FAM177A1: variants seen among roughly 807,000 people sequenced by gnomAD.
The protein encoded by FAM177A1 is family with sequence similarity 177 member A1, also known as protein FAM177A1.
In FAM177A1, 22 loss-of-function variants were observed where a neutral mutation model predicts 26.1. The observed-to-expected ratio is 0.84, with a 90% CI of 0.60 to 1.20. FAM177A1 has a LOEUF of 1.20. Among genes scored for constraint, FAM177A1 ranks in the 50% most tolerant of loss-of-function variants. The pLI is 0.00. For missense variants in FAM177A1, 296 were observed against 291.1 expected, an observed-to-expected ratio of 1.02 and a Z score of -0.12; for synonymous variants, 95 against 99.3, an observed-to-expected ratio of 0.96 and a Z score of 0.26.
At chr14:35,053,858 T>G (rs978680820) in intron 2 of FAM177A1, among the ~76,000 whole-genome samples, 22 of 152,128 alleles carry the variant, frequency 1.4e-4, no homozygotes, top group Non-Finnish European at 5.9e-5. Flanking sequence ...CTGGACGTAT[T>G]GGTGGACACC....
upstream of FAM177A1, chr14:35,045,325 G>A (rs144979945): frequency 6.6e-6 from 1 of 152,208 alleles, no homozygotes; most frequent in Non-Finnish European, 1.5e-5. Flanking sequence ...AAAGTTTTTG[G>A]TTTTGTTTTT....
At chr14:35,048,532 T>G (rs2044911686) in intron 1 of FAM177A1, among the ~76,000 whole-genome samples, 1 of 150,240 alleles carries the variant, frequency 6.7e-6, no homozygotes, top group African/African-American at 2.4e-5. Context: ...CTCTCTGGAA[T>G]TTTATCATTC....
intron 1 of FAM177A1, among the ~76,000 whole-genome samples, chr14:35,051,472 G>C (rs2044970245): frequency 1.3e-5 from 2 of 152,126 alleles, no homozygotes; most frequent in African/African-American, 4.8e-5. Context: ...GAGTGCAGTG[G>C]TGCGATCTCG....
intron 4 of FAM177A1, among the ~76,000 whole-genome samples, chr14:35,079,885 AG>A (rs2138574615): frequency 6.6e-6 from 1 of 152,294 alleles, no homozygotes; most frequent in African/African-American, 2.4e-5. Flanking sequence ...CTGGAGCATA[AG>A]GTACAATGTG....
intron 2 of FAM177A1, among the ~76,000 whole-genome samples, chr14:35,061,751 C>T (rs1193506682): frequency 1.3e-5 from 2 of 149,350 alleles, no homozygotes; most frequent in East Asian, 3.9e-4. Flanking sequence ...TACCCTAAAA[C>T]TTAAAGTATA....
chr14:35,072,856 C>A (rs1026794698), intron 2 of FAM177A1, among the ~76,000 whole-genome samples: 1 of 152,178 alleles, frequency 6.6e-6, no homozygotes, highest in Admixed American at 6.5e-5. Context: ...TCCACCCCCC[C>A]TTTCCTTTCA....
intron 1 of FAM177A1, chr14:35,047,007 G>T (rs799473): frequency 0.82 from 844,573 of 1,026,530 alleles, 350,140 homozygotes; most frequent in Non-Finnish European, 0.85. Context: ...GCGCCTGCCT[G>T]GGCATCTGCC....
At position 35,053,065 on chromosome 14, in the gene FAM177A1, T is replaced by G. The variant is rs546835605; in HGVS notation, c.166-213T>G. 15 of 470,934 alleles carry G rather than the reference T, an allele frequency of 3.2e-5. No homozygotes were observed. The Admixed American group carries it at 3.4e-4, about 11-fold the overall frequency. The allele number at this position is 470,934 out of a possible 1,614,324, so 29.2% of individuals were successfully genotyped here. The stretch of plus-strand genomic sequence containing the variant: ...AATGCTGATAATCTGCTTTCCAGAT[T>G]TGGTTTACAAATGGTGGGTTTTATT... On this transcript the variant is annotated intron_variant, in intron 1 of 4. Transcript: ENST00000280987.
At chr14:35,061,028 T>A (rs1388735786) in intron 2 of FAM177A1, among the ~76,000 whole-genome samples, 8 of 152,074 alleles carry the variant, frequency 5.3e-5, no homozygotes, top group Admixed American at 5.3e-4. Flanking sequence ...GTTAATCTCT[T>A]ATTGTGACTA....
chr14:35,077,797 C>G (rs2045421599), intron 3 of FAM177A1, among the ~76,000 whole-genome samples: 1 of 152,136 alleles, frequency 6.6e-6, no homozygotes, highest in African/African-American at 2.4e-5. Flanking sequence ...TTCTTAAACC[C>G]TTTCTCTTAA....
chr14:35,056,112 G>A (rs2045057696), intron 2 of FAM177A1, among the ~76,000 whole-genome samples: 1 of 151,906 alleles, frequency 6.6e-6, no homozygotes, highest in Admixed American at 6.6e-5. Flanking sequence ...TTAGCTTACT[G>A]CAACCTCTGC....
At chr14:35,080,993 C>G (rs1487460899) in intron 4 of FAM177A1, 29 bp from the exon 5 acceptor site, 3 of 1,464,252 alleles carry the variant, frequency 2.0e-6, no homozygotes, top group African/African-American at 2.9e-5. Context: ...CGTATTTCAA[C>G]TATTCTTGAT....
At chr14:35,073,067 C>T (rs1354122912) in intron 2 of FAM177A1, among the ~76,000 whole-genome samples, 1 of 151,986 alleles carries the variant, frequency 6.6e-6, no homozygotes, top group African/African-American at 2.4e-5. Context: ...GGGTTCTCTT[C>T]TTCTTCTTCT....
intron 1 of FAM177A1, among the ~76,000 whole-genome samples, chr14:35,052,018 G>T (rs2139059502): frequency 6.6e-6 from 1 of 152,220 alleles, no homozygotes; most frequent in African/African-American, 2.4e-5. Flanking sequence ...CAAAATGTTT[G>T]TACTCTGGAC....
At position 35,081,914 on chromosome 14, in the gene FAM177A1, A is replaced by G. The variant is rs1473774825; in HGVS notation, c.*686A>G. 1 of 152,148 alleles carries G rather than the reference A, an allele frequency of 6.6e-6. No homozygotes were observed. The highest frequency in any genetic ancestry group is 1.5e-5 in the Non-Finnish European group (1 of 68,058). 9.4% of individuals were successfully genotyped at this position (152,148 alleles called of 1,614,324 possible). ...CACTACTTATAGAATAGATTTATTA[A>G]TGTTAATACCTAGTGAATATCCATG... On this transcript the variant is annotated 3_prime_UTR_variant, in exon 5 of 5. Coordinates refer to ENST00000280987, the MANE Select transcript of FAM177A1 (RefSeq NM_173607.5).
intron 2 of FAM177A1, among the ~76,000 whole-genome samples, chr14:35,061,610 T>C (rs2045158196): frequency 1.1e-5 from 1 of 90,102 alleles, no homozygotes; most frequent in African/African-American, 4.6e-5. Flanking sequence ...CTGGGGACTG[T>C]TGTGGGGTGG....
intron 4 of FAM177A1, among the ~76,000 whole-genome samples, chr14:35,079,784 G>C (rs1425831697): frequency 6.6e-6 from 1 of 152,070 alleles, no homozygotes; most frequent in African/African-American, 2.4e-5. Flanking sequence ...AGCAAATAGA[G>C]GGCAGCAATT....
chr14:35,050,001 C>G (rs2044937907), intron 1 of FAM177A1: 1 of 152,010 alleles, frequency 6.6e-6, no homozygotes, highest in Admixed American at 6.6e-5. Context: ...TTGGAAAATT[C>G]ACAGTGTAAC....
intron 3 of FAM177A1, among the ~76,000 whole-genome samples, chr14:35,077,468 CTTTTTTTTT>C (rs150813883): frequency 1.0e-4 from 8 of 79,528 alleles, no homozygotes; most frequent in Admixed American, 1.9e-4. Context: ...TTTTCAAGTT[CTTTTTTTTT>C]TTTTTTTTTT....
Sources: gnomAD v4.1 joint callset for allele counts (sites outside exome capture counted in the v4.1 genomes callset) on GRCh38, gnomAD v4.1.1 for gene constraint, MANE v1.5 for transcripts, NCBI Gene and HGNC (gene_info 2026-07-23, HGNC 2026-07-21) for gene names.